Variants in HS6ST1 observed in about 807,000 individuals in gnomAD.
HS6ST1 encodes the protein heparan-sulfate 6-O-sulfotransferase 1.
A neutral mutation model predicts 25.2 loss-of-function variants in HS6ST1; 3 were observed. That is an observed-to-expected ratio of 0.12 (90% CI 0.05 to 0.31). The LOEUF is 0.31. HS6ST1 is among the 10% of genes least tolerant of loss of function. The probability of loss-of-function intolerance (pLI) is 1.00; values close to 1 mark genes in which losing one functional copy is unlikely to be tolerated. For synonymous variants in HS6ST1, 204 were observed against 275.1 expected, an observed-to-expected ratio of 0.74 and a Z score of 2.56; for missense variants, 310 against 609.6, an observed-to-expected ratio of 0.51 and a Z score of 5.18.
intron 1 of HS6ST1, among the ~76,000 whole-genome samples, chr2:128,301,784 C>T (rs1187868311): frequency 6.6e-6 from 1 of 152,168 alleles, no homozygotes; most frequent in Non-Finnish European, 1.5e-5. Context: ...GCTGATCCTG[C>T]CCGCTGGGCC....
chr2:128,307,859 C>T (rs1225636850), intron 1 of HS6ST1, among the ~76,000 whole-genome samples: 4 of 152,128 alleles, frequency 2.6e-5, no homozygotes, highest in African/African-American at 7.2e-5. Flanking sequence ...GAGCGAGCAC[C>T]GTGGCCGCAC....
intron 1 of HS6ST1, among the ~76,000 whole-genome samples, chr2:128,300,601 G>A (rs1369568875): frequency 6.6e-6 from 1 of 152,188 alleles, no homozygotes; most frequent in African/African-American, 2.4e-5. Flanking sequence ...TGTCTGTCTA[G>A]CACCTGTTGT....
chr2:128,268,750 G>A lies in HS6ST1; in HGVS notation c.648C>T (p.Pro216=). The part of the protein sequence containing the change: ...TSLHMCDGRT[P]TPEELPPCYE... ...AGCAGGGCGGCAGCTCCTCAGGCGT[G>A]GGCGTGCGCCCATCACACATATGCA... The change falls in exon 2 of 2, where the codon CCC becomes CCT. Residue 216 remains proline, a synonymous_variant. Coordinates refer to ENST00000259241, the MANE Select transcript of HS6ST1 (RefSeq NM_004807.3). The A allele has an allele frequency of 6.2e-7, 1 of 1,612,660 alleles. No homozygotes were observed. The highest frequency in any genetic ancestry group is 8.5e-7 in the Non-Finnish European group (1 of 1,179,906).
intron 1 of HS6ST1, among the ~76,000 whole-genome samples, chr2:128,296,371 T>C (rs905607526): frequency 2.0e-5 from 3 of 152,190 alleles, no homozygotes; most frequent in African/African-American, 7.2e-5. Context: ...AGCAATCAGG[T>C]AAGAAAAATA....
chr2:128,282,672 C>CA (rs1558871751), intron 1 of HS6ST1, among the ~76,000 whole-genome samples: 21 of 152,218 alleles, frequency 1.4e-4, no homozygotes, highest in Admixed American at 4.6e-4. Flanking sequence ...TTGAGCCCCA[C>CA]CTCTGTGCCT....
chr2:128,306,166 C>A (rs1460865311), intron 1 of HS6ST1, among the ~76,000 whole-genome samples: 1 of 152,252 alleles, frequency 6.6e-6, no homozygotes, highest in Non-Finnish European at 1.5e-5. Flanking sequence ...TGCTCCCAGA[C>A]TGCACCCTCG....
chr2:128,300,588 G>T (rs577212526), intron 1 of HS6ST1, among the ~76,000 whole-genome samples: 3 of 152,312 alleles, frequency 2.0e-5, no homozygotes, highest in Middle Eastern at 3.4e-3. Context: ...ACCCCCATAG[G>T]ACTGTCTGTC....
At chr2:128,305,505 A>C (rs999413923) in intron 1 of HS6ST1, among the ~76,000 whole-genome samples, 1 of 152,220 alleles carries the variant, frequency 6.6e-6, no homozygotes, top group African/African-American at 2.4e-5. Context: ...AGCCCCTCCA[A>C]CCGGGAGCCC....
At chr2:128,312,682 A>G (rs1362621794) in intron 1 of HS6ST1, among the ~76,000 whole-genome samples, 2 of 152,196 alleles carry the variant, frequency 1.3e-5, no homozygotes, top group African/African-American at 2.4e-5. Context: ...GGGCCACCCC[A>G]AGGGTGTACT....
At chr2:128,277,595 C>A (rs893576767) in intron 1 of HS6ST1, among the ~76,000 whole-genome samples, 2 of 152,206 alleles carry the variant, frequency 1.3e-5, no homozygotes, top group African/African-American at 4.8e-5. Context: ...GAGGGGTCAG[C>A]CCCTGAGACC....
chr2:128,315,246 A>G (rs1694344515), intron 1 of HS6ST1, among the ~76,000 whole-genome samples: 1 of 152,198 alleles, frequency 6.6e-6, no homozygotes, highest in African/African-American at 2.4e-5. Context: ...CAGCCACTAG[A>G]AGTTCCAAAC....
At chr2:128,293,685 G>A (rs974280440) in intron 1 of HS6ST1, among the ~76,000 whole-genome samples, 2 of 152,214 alleles carry the variant, frequency 1.3e-5, no homozygotes, top group Non-Finnish European at 2.9e-5. Context: ...CGGGGACAGA[G>A]GGCAAAGAGA....
chr2:128,316,341 C>T (rs1450124442), intron 1 of HS6ST1, among the ~76,000 whole-genome samples: 1 of 152,204 alleles, frequency 6.6e-6, no homozygotes, highest in African/African-American at 2.4e-5. Context: ...CTTAGGCTGC[C>T]GAGCTAAGTC....
chr2:128,305,431 A>G (rs959731786), intron 1 of HS6ST1, among the ~76,000 whole-genome samples: 7 of 152,212 alleles, frequency 4.6e-5, no homozygotes, highest in Admixed American at 1.3e-4. Context: ...AGCTAAACCA[A>G]CTGCTCAGAC....
Position 128,318,126 on chromosome 2 carries a change from G to A in HS6ST1, c.438C>T (p.Ser146=), listed in dbSNP as rs1292923069. The A allele has an allele frequency of 1.8e-5, 27 of 1,527,662 alleles. No individual in the cohort carries two copies. The highest frequency in any genetic ancestry group is 2.4e-5 in the Non-Finnish European group (27 of 1,137,678). 94.6% of individuals were successfully genotyped at this position (1,527,662 alleles called of 1,614,324 possible). A position where few individuals can be genotyped will look rare whatever the true frequency, so the allele number is the denominator to read the frequency against. The change falls in exon 1 of 2, where the codon AGC becomes AGT. Residue 146 remains serine (S), a synonymous_variant. Transcript: ENST00000259241. This position sits in a 1 kb window ranked among gnomAD's most constrained non-coding sequence, Gnocchi z 5.7. ...CGGTCCAGTCGGCGTGCAGCCCGCAGCTCCAGCCGGTGGAGAAGCGGGAGA... is the reference window on the plus strand; with the variant it reads ...CGGTCCAGTCGGCGTGCAGCCCGCAACTCCAGCCGGTGGAGAAGCGGGAGA... ...WLFSRFSTGW[S]CGLHADWTEL...
intron 1 of HS6ST1, among the ~76,000 whole-genome samples, chr2:128,283,125 G>T (rs1198216357): frequency 6.6e-6 from 1 of 152,218 alleles, no homozygotes; most frequent in African/African-American, 2.4e-5. Flanking sequence ...GGCCACCCCT[G>T]CGAGCCCACT....
chr2:128,274,815 TAAAAATAC>T (rs1160473847), intron 1 of HS6ST1, among the ~76,000 whole-genome samples: 1 of 151,920 alleles, frequency 6.6e-6, no homozygotes, highest in East Asian at 1.9e-4. Flanking sequence ...CCATCTCTAC[TAAAAATAC>T]AAAAATTAGC....
intron 1 of HS6ST1, among the ~76,000 whole-genome samples, chr2:128,294,887 A>G (rs946469181): frequency 6.6e-6 from 1 of 152,092 alleles, no homozygotes; most frequent in Non-Finnish European, 1.5e-5. Flanking sequence ...CTCCATGGAC[A>G]CAGCCCTAGC....
At chr2:128,314,991 G>A (rs540129370) in intron 1 of HS6ST1, among the ~76,000 whole-genome samples, 3 of 152,352 alleles carry the variant, frequency 2.0e-5, no homozygotes, top group South Asian at 2.1e-4. Context: ...GAGTGACAGC[G>A]GAGTGTGGGG....
Sources: gnomAD v4.1 joint callset for allele counts (sites outside exome capture counted in the v4.1 genomes callset) on GRCh38, gnomAD v4.1.1 for gene constraint, Gnocchi (gnomAD v3.1) non-coding constraint, MANE v1.5 for transcripts, NCBI Gene and HGNC (gene_info 2026-07-23, HGNC 2026-07-21) for gene names.